Variants in CSMD3 observed in about 807,000 individuals in gnomAD.
The protein encoded by CSMD3 is CUB and sushi domain-containing protein 3.
CSMD3 carries 177 observed loss-of-function variants against 435.2 expected under a neutral mutation model. The observed-to-expected ratio is 0.41, with a 90% CI of 0.36 to 0.46. The LOEUF (loss-of-function observed/expected upper bound fraction) is 0.46, where lower values mean the gene tolerates loss of function less well. Ranked by LOEUF, CSMD3 falls within the 20% of genes least tolerant of loss-of-function variation. The pLI, the probability that CSMD3 is intolerant of heterozygous loss-of-function variation, is 0.34. For synonymous variants in CSMD3, 1,656 were observed against 1,520.5 expected, an observed-to-expected ratio of 1.09 and a Z score of -2.07; for missense variants, 4,265 against 4,504.6, an observed-to-expected ratio of 0.95 and a Z score of 1.52.
chr8:113,288,207 T>C (rs2093660292), intron 2 of CSMD3, among the ~76,000 whole-genome samples: 1 of 151,886 alleles, frequency 6.6e-6, no homozygotes, highest in African/African-American at 2.4e-5. Flanking sequence ...TTTTTTCCTC[T>C]ATATAAATAA....
rs534410235 is a variant in CSMD3 at position 112,651,728 on chromosome 8, G to C, written c.3005-1379C>G. Among the ~76,000 whole-genome samples, 105 of 151,888 alleles carry C rather than the reference G, an allele frequency of 6.9e-4. 1 individual carries two copies. Among genetic ancestry groups the C allele is most frequent in the Non-Finnish European group, 1.5e-3 (99 of 67,930 alleles). On this transcript the variant is annotated intron_variant, in intron 18 of 70. Transcript: ENST00000297405. ...AATTTTTTGTATTGTTAGTAGAGAC[G>C]GGTTTTACCATGCTGGCCAGGCTGG...
intron 10 of CSMD3, among the ~76,000 whole-genome samples, chr8:112,897,009 C>G (rs574991433): frequency 1.2e-4 from 18 of 151,524 alleles, no homozygotes; most frequent in African/African-American, 4.3e-4. Context: ...GCAGATTTTG[C>G]ACATACTACT....
chr8:112,842,317 T>C (rs1341551227), intron 11 of CSMD3, among the ~76,000 whole-genome samples: 2 of 151,816 alleles, frequency 1.3e-5, no homozygotes. Context: ...TATTCTGACT[T>C]AGAAGCATCT....
At chr8:112,875,290 G>T (rs889923775) in intron 10 of CSMD3, among the ~76,000 whole-genome samples, 1 of 152,122 alleles carries the variant, frequency 6.6e-6, no homozygotes, top group Non-Finnish European at 1.5e-5. Flanking sequence ...GAGTTCCACC[G>T]TTAGTCTAAT....
chr8:113,256,382 C>A (rs1048252545), intron 3 of CSMD3, among the ~76,000 whole-genome samples: 15 of 152,258 alleles, frequency 9.9e-5, no homozygotes, highest in Admixed American at 5.9e-4. Context: ...TCAGCACCGA[C>A]ACCATTCCTT....
intron 45 of CSMD3, among the ~76,000 whole-genome samples, chr8:112,331,385 T>C (rs1283116678): frequency 6.6e-6 from 1 of 151,998 alleles, no homozygotes; most frequent in Non-Finnish European, 1.5e-5. Context: ...ATATCTGAGG[T>C]AAACTGCCTC....
chr8:112,970,478 T>C (rs1265368383), intron 7 of CSMD3, among the ~76,000 whole-genome samples: 1 of 151,162 alleles, frequency 6.6e-6, no homozygotes, highest in Non-Finnish European at 1.5e-5. Flanking sequence ...AATTTACAAA[T>C]GTCACTAGAT....
chr8:113,205,579 G>A (rs908254991), intron 3 of CSMD3, among the ~76,000 whole-genome samples: 1 of 152,138 alleles, frequency 6.6e-6, no homozygotes, highest in Non-Finnish European at 1.5e-5. Flanking sequence ...GCCTAATGGT[G>A]AATTTCTTGG....
intron 5 of CSMD3, among the ~76,000 whole-genome samples, chr8:113,078,511 T>C (rs1182863531): frequency 6.6e-6 from 1 of 152,204 alleles, no homozygotes; most frequent in African/African-American, 2.4e-5. Flanking sequence ...AAGCTCAGAC[T>C]ACCTCTCAAT....
chr8:112,434,407 A>G (rs1814080311), intron 32 of CSMD3, among the ~76,000 whole-genome samples: 2 of 152,228 alleles, frequency 1.3e-5, no homozygotes, highest in East Asian at 1.9e-4. Context: ...TGCTATCATC[A>G]TCATTGCTGT....
intron 10 of CSMD3, among the ~76,000 whole-genome samples, chr8:112,874,009 G>C (rs202037087): frequency 2.0e-5 from 3 of 151,850 alleles, no homozygotes; most frequent in African/African-American, 7.2e-5. Context: ...TTAGGGTGTC[G>C]ATTTTAGATC....
chr8:113,260,297 A>C (rs2093416443), intron 3 of CSMD3, among the ~76,000 whole-genome samples: 1 of 152,164 alleles, frequency 6.6e-6, no homozygotes, highest in African/African-American at 2.4e-5. Flanking sequence ...TCCTGAATCC[A>C]AGTTGTCTCA....
At chr8:112,359,572 G>A (rs1225754901) in intron 38 of CSMD3, among the ~76,000 whole-genome samples, 2 of 152,104 alleles carry the variant, frequency 1.3e-5, no homozygotes, top group African/African-American at 4.8e-5. Flanking sequence ...GCAAAGGAAA[G>A]CTATCTAATA....
intron 1 of CSMD3, among the ~76,000 whole-genome samples, chr8:113,389,693 G>A (rs904376017): frequency 6.6e-6 from 1 of 151,644 alleles, no homozygotes; most frequent in East Asian, 1.9e-4. Context: ...CCATATGCTA[G>A]CTGTTTGATC....
At position 112,408,971 on chromosome 8, in the gene CSMD3, A is replaced by G; in HGVS notation, c.5457T>C (p.Asp1819=). 1.2e-6 allele frequency: 2 copies of G among 1,613,690 alleles called. No individual in the cohort carries two copies. The highest frequency in any genetic ancestry group is 1.7e-6 in the Non-Finnish European group (2 of 1,179,704). The change falls in exon 33 of 71, where the codon GAT becomes GAC. Residue 1819 remains aspartate (D), a synonymous_variant. Coordinates refer to ENST00000297405, the MANE Select transcript of CSMD3 (RefSeq NM_198123.2). ...ACAGAGAAGATTGCTGAGTTGGCCC[A>G]TCATACACCTCAACAACATCGTGGA... The part of the protein sequence containing the change: ...TSLHDVVEVY[D]GPTQQSSLLS...
intron 28 of CSMD3, among the ~76,000 whole-genome samples, chr8:112,507,514 T>C (rs988671684): frequency 6.6e-6 from 1 of 152,094 alleles, no homozygotes; most frequent in Non-Finnish European, 1.5e-5. Context: ...TACAAATAAA[T>C]ACACACACCC....
intron 1 of CSMD3, among the ~76,000 whole-genome samples, chr8:113,377,635 A>C (rs117044558): frequency 6.6e-6 from 1 of 152,122 alleles, no homozygotes; most frequent in East Asian, 1.9e-4. Flanking sequence ...GCAAATATTT[A>C]TTTTTACAAA....
Position 112,314,477 on chromosome 8 carries a change from C to G in CSMD3, c.7501G>C (p.Glu2501Gln), listed in dbSNP as rs2130836382. 6.2e-7 allele frequency: 1 copy of G among 1,612,570 alleles called. No individual in the cohort carries two copies. Residue 2501 changes from glutamate (E) to glutamine (Q), a missense_variant, in exon 48 of 71, where the codon GAA becomes CAA. Coordinates refer to ENST00000297405, the MANE Select transcript of CSMD3 (RefSeq NM_198123.2). ...AATTCCTTTTCTGTCTGGAAGAATT[C>G]TACAAACATGGTGATATTATAACCC... ...EKGYNITMFVEFFQTEKEFDV... is the reference protein window; with the variant it reads ...EKGYNITMFVQFFQTEKEFDV...
At chr8:112,820,403 AT>A (rs1443035978) in intron 12 of CSMD3, among the ~76,000 whole-genome samples, 1 of 152,094 alleles carries the variant, frequency 6.6e-6, no homozygotes, top group Admixed American at 6.6e-5. Flanking sequence ...CTACCTAAAA[AT>A]TGTATAGTAA....
Sources: gnomAD v4.1 joint callset for allele counts (sites outside exome capture counted in the v4.1 genomes callset) on GRCh38, gnomAD v4.1.1 for gene constraint, MANE v1.5 for transcripts, NCBI Gene and HGNC (gene_info 2026-07-23, HGNC 2026-07-21) for gene names.